The following RNF121 variants were observed in gnomAD, a reference collection of about 807,000 sequenced individuals.
RNF121 encodes E3 ubiquitin ligase RNF121.
In RNF121, 21 loss-of-function variants were observed where a neutral mutation model predicts 46.5. That is an observed-to-expected ratio of 0.45 (90% CI 0.32 to 0.65). The LOEUF (loss-of-function observed/expected upper bound fraction) is 0.65. Among genes scored for constraint, RNF121 ranks in the 30% least tolerant of loss-of-function variants. The probability of loss-of-function intolerance (pLI) is 0.04; values close to 1 mark genes in which losing one functional copy is unlikely to be tolerated. For missense variants in RNF121, 346 were observed against 416.0 expected, an observed-to-expected ratio of 0.83 and a Z score of 1.46; for synonymous variants, 139 against 144.7, an observed-to-expected ratio of 0.96 and a Z score of 0.28.
At chr11:71,931,641 G>A (rs1362884952) in intron 1 of RNF121, among the ~76,000 whole-genome samples, 10 of 152,162 alleles carry the variant, frequency 6.6e-5, no homozygotes. Context: ...GTCGAGTGAA[G>A]AGACATGCAA....
At chr11:71,946,005 G>A (rs1169074474) in intron 1 of RNF121, among the ~76,000 whole-genome samples, 1 of 152,040 alleles carries the variant, frequency 6.6e-6, no homozygotes, top group Non-Finnish European at 1.5e-5. Context: ...CTGCTACTCG[G>A]GAGGCTGAGG....
intron 3 of RNF121, among the ~76,000 whole-genome samples, chr11:71,975,950 T>C (rs1384744835): frequency 6.6e-6 from 1 of 152,152 alleles, no homozygotes; most frequent in East Asian, 1.9e-4. Context: ...GATTACTATG[T>C]GTAGGTGTGA....
chr11:71,940,462 T>G (rs1159327312), intron 1 of RNF121, among the ~76,000 whole-genome samples: 2 of 152,154 alleles, frequency 1.3e-5, no homozygotes, highest in African/African-American at 4.8e-5. Flanking sequence ...ATTAGAGCAT[T>G]AGGAATGAAC....
rs35710756 is a variant in RNF121, at chr11:71,976,345, CTTTTTTTTTTTTTTTTT to C, written c.244-6404_244-6388del. 2.8e-4 allele frequency among the ~76,000 whole-genome samples: 13 copies of C among 46,082 alleles called. No homozygotes were observed. In the East Asian group the frequency reaches 8.7e-3, roughly 31 times the overall value. 30.2% of individuals were successfully genotyped at this position (46,082 alleles called of 152,430 possible). ...CTGCCCCCTCCATTCTGGGTATATT[CTTTTTTTTTTTTTTTTT>C]TTTTTTTTTTTGAGATGGAGTCTCG... On this transcript the variant is annotated intron_variant, in intron 3 of 8. Transcript: ENST00000361756.
At chr11:71,965,860 G>A (rs1403276884) in intron 3 of RNF121, among the ~76,000 whole-genome samples, 1 of 152,038 alleles carries the variant, frequency 6.6e-6, no homozygotes, top group African/African-American at 2.4e-5. Context: ...GAAGGTGTAG[G>A]GTATAGTCAG....
intron 6 of RNF121, among the ~76,000 whole-genome samples, chr11:71,994,031 G>T (rs760721983): frequency 1.3e-5 from 2 of 151,862 alleles, no homozygotes; most frequent in Non-Finnish European, 2.9e-5. Flanking sequence ...TAGTAGAGAC[G>T]GGGTTTCACT....
chr11:71,971,613 A>G (rs1590799844), intron 3 of RNF121, among the ~76,000 whole-genome samples: 1 of 152,194 alleles, frequency 6.6e-6, no homozygotes, highest in African/African-American at 2.4e-5. Flanking sequence ...TCCAATAGAA[A>G]AACAGGCCAG....
chr11:71,943,612 C>T (rs1298868172), intron 1 of RNF121, among the ~76,000 whole-genome samples: 1 of 152,200 alleles, frequency 6.6e-6, no homozygotes, highest in Non-Finnish European at 1.5e-5. Context: ...AGGCCTTGCT[C>T]TCAGGTTGCT....
intron 1 of RNF121, among the ~76,000 whole-genome samples, chr11:71,931,665 A>G (rs1356693733): frequency 2.0e-5 from 3 of 152,294 alleles, no homozygotes; most frequent in Middle Eastern, 3.4e-3. Context: ...GCGTATTATA[A>G]TACTAGATAA....
intron 3 of RNF121, chr11:71,962,347 G>T: frequency 1.1e-6 from 1 of 923,736 alleles, no homozygotes; most frequent in Non-Finnish European, 1.3e-6. Flanking sequence ...CCTTAAGTGT[G>T]GAATCCTTTC....
chr11:71,982,211 C>G (rs1954675130), intron 3 of RNF121, among the ~76,000 whole-genome samples: 1 of 151,644 alleles, frequency 6.6e-6, no homozygotes, highest in South Asian at 2.1e-4. Context: ...TGGCACGCGC[C>G]TGTAATCCCA....
chr11:71,961,052 C>A (rs561236532), intron 3 of RNF121, among the ~76,000 whole-genome samples, 161 bp downstream of exon 3: 89 of 152,192 alleles, frequency 5.8e-4, no homozygotes, highest in African/African-American at 2.1e-3. Flanking sequence ...GAGTGTGTGT[C>A]TAAGGGTCAG....
intron 8 of RNF121, 22 bp downstream of exon 8, chr11:71,995,573 G>A: frequency 1.9e-6 from 3 of 1,548,948 alleles, no homozygotes; most frequent in Non-Finnish European, 2.6e-6. Context: ...TGGGGTCGTT[G>A]TTGGGAGTGG....
At chr11:71,984,958 G>T (rs1214127605) in intron 4 of RNF121, among the ~76,000 whole-genome samples, 1 of 150,974 alleles carries the variant, frequency 6.6e-6, no homozygotes, top group Non-Finnish European at 1.5e-5. Flanking sequence ...GTCGCACTCT[G>T]TCGCCCAGGC....
At chr11:71,934,559 G>A (rs562897077) in intron 1 of RNF121, among the ~76,000 whole-genome samples, 12 of 152,300 alleles carry the variant, frequency 7.9e-5, no homozygotes, top group African/African-American at 2.9e-4. Flanking sequence ...TAGACATTTA[G>A]TAAATGTTCC....
intron 4 of RNF121, among the ~76,000 whole-genome samples, chr11:71,986,705 G>A (rs1166442579): frequency 6.6e-6 from 1 of 150,944 alleles, no homozygotes; most frequent in South Asian, 2.1e-4. Context: ...GGAGGTGGAG[G>A]TTGCAGTGAG....
At position 71,960,852 on chromosome 11, in the gene RNF121, C is replaced by G. The variant is rs772673787; in HGVS notation, c.204C>G (p.Leu68=). The G allele has an allele frequency of 8.4e-5, 135 of 1,614,152 alleles. No homozygotes were observed. In the Middle Eastern group the frequency reaches 1.3e-3, roughly 16 times the overall value. Residue 68 remains leucine (L), a synonymous_variant, in exon 3 of 9, where the codon CTC becomes CTG. Coordinates refer to ENST00000361756, the MANE Select transcript of RNF121 (RefSeq NM_018320.5). Reference sequence around the variant, plus strand: ...CAACCTTGGTGGTGGCCCAGCTGCTCCTGGTGCAGTGGAAGCAGAGGCACC... The same window carrying G: ...CAACCTTGGTGGTGGCCCAGCTGCTGCTGGTGCAGTGGAAGCAGAGGCACC... The part of the protein sequence containing the change: ...LIATLVVAQL[L]LVQWKQRHPR...
At chr11:71,930,817 C>T (rs545115725) in intron 1 of RNF121, among the ~76,000 whole-genome samples, 38 of 152,248 alleles carry the variant, frequency 2.5e-4, no homozygotes, top group African/African-American at 8.7e-4. Flanking sequence ...GAAGTTTTGG[C>T]AGAGGAGAAA....
rs73531984 is a variant in RNF121, at chr11:71,993,575, C to T, written c.628-1144C>T. On this transcript the variant is annotated intron_variant, in intron 6 of 8. Transcript: ENST00000361756. Reference sequence around the variant, plus strand: ...AATAGTATTCCATTGTGTGTGACACCGCATTTGGTTTATTCATTCATCTGT... The same window carrying T: ...AATAGTATTCCATTGTGTGTGACACTGCATTTGGTTTATTCATTCATCTGT... Among the ~76,000 whole-genome samples the T allele has an allele frequency of 9.7e-3, 1,471 of 152,098 alleles. 12 individuals carry two copies. The highest frequency in any genetic ancestry group is 0.034 in the African/African-American group (1,405 of 41,470).
Sources: gnomAD v4.1 joint callset for allele counts (sites outside exome capture counted in the v4.1 genomes callset) on GRCh38, gnomAD v4.1.1 for gene constraint, MANE v1.5 for transcripts, NCBI Gene and HGNC (gene_info 2026-07-23, HGNC 2026-07-21) for gene names.